Variants in PDE1C observed in about 807,000 individuals in gnomAD.
PDE1C encodes phosphodiesterase 1C, also known as dual specificity calcium/calmodulin-dependent 3',5'-cyclic nucleotide phosphodiesterase 1C.
PDE1C carries 62 observed loss-of-function variants against 93.1 expected under a neutral mutation model. The observed-to-expected ratio is 0.67, with a 90% confidence interval of 0.54 to 0.82. The LOEUF (loss-of-function observed/expected upper bound fraction) is 0.82, where lower values mean the gene tolerates loss of function less well. PDE1C is among the 40% of genes least tolerant of loss of function. PDE1C has a pLI of 0.00. For missense variants in PDE1C, 742 were observed against 884.6 expected, an observed-to-expected ratio of 0.84 and a Z score of 2.04; for synonymous variants, 325 against 310.1, an observed-to-expected ratio of 1.05 and a Z score of -0.50.
chr7:31,617,113 G>A, the PDE1C span, among the ~76,000 whole-genome samples: 46 of 152,148 alleles, frequency 3.0e-4, no homozygotes, highest in African/African-American at 8.7e-4. Context: ...GGGTGAGCTC[G>A]TCCCGGTATA....
At chr7:31,952,721 TG>T (rs1807561784) in intron 2 of PDE1C, among the ~76,000 whole-genome samples, 2 of 152,272 alleles carry the variant, frequency 1.3e-5, no homozygotes, top group African/African-American at 4.8e-5. Context: ...CTTGTCACAT[TG>T]CAAGGGCCAC....
At chr7:31,912,735 G>A (rs890005114) in intron 2 of PDE1C, among the ~76,000 whole-genome samples, 2 of 151,894 alleles carry the variant, frequency 1.3e-5, no homozygotes, top group African/African-American at 4.8e-5. Flanking sequence ...TTGTGGCATG[G>A]GGAATTAGTT....
chr7:31,714,788 T>C, the PDE1C span, among the ~76,000 whole-genome samples: 2 of 152,140 alleles, frequency 1.3e-5, no homozygotes, highest in Non-Finnish European at 2.9e-5. Flanking sequence ...AAGAACAGCA[T>C]GGGAAAGACC....
intron 2 of PDE1C, among the ~76,000 whole-genome samples, chr7:32,049,398 TG>T (rs918333379): frequency 1.2e-4 from 18 of 152,300 alleles, no homozygotes; most frequent in African/African-American, 4.3e-4. Flanking sequence ...TTGTTGTTGT[TG>T]TTGTTTTGTT....
At chr7:31,630,743 G>T in the PDE1C span, among the ~76,000 whole-genome samples, 427 of 151,954 alleles carry the variant, frequency 2.8e-3, 1 homozygote, top group African/African-American at 1.0e-2. Flanking sequence ...GACTCAAAAG[G>T]TCATTAAGAA....
At chr7:31,954,876 G>C (rs530189196) in intron 2 of PDE1C, among the ~76,000 whole-genome samples, 3 of 152,312 alleles carry the variant, frequency 2.0e-5, no homozygotes, top group South Asian at 4.1e-4. Flanking sequence ...TTGTAGTGTA[G>C]TACACAGATG....
At chr7:32,219,471 A>C (rs1806676835) in intron 1 of PDE1C, among the ~76,000 whole-genome samples, 1 of 152,214 alleles carries the variant, frequency 6.6e-6, no homozygotes, top group Admixed American at 6.5e-5. Context: ...AATATGTTGC[A>C]TCTGCAGATA....
At chr7:31,968,565 C>T (rs1584251832) in intron 2 of PDE1C, among the ~76,000 whole-genome samples, 1 of 152,098 alleles carries the variant, frequency 6.6e-6, no homozygotes, top group East Asian at 1.9e-4. Flanking sequence ...ATGCCATCCC[C>T]ATCAAGCTAC....
the PDE1C span, among the ~76,000 whole-genome samples, chr7:31,662,639 G>A: frequency 6.6e-6 from 1 of 152,216 alleles, no homozygotes; most frequent in Non-Finnish European, 1.5e-5. Context: ...GTGCATGTAT[G>A]TGTGCTGGAT....
At chr7:31,843,248 C>G (rs1792144285) in intron 9 of PDE1C, among the ~76,000 whole-genome samples, 1 of 151,838 alleles carries the variant, frequency 6.6e-6, no homozygotes, top group African/African-American at 2.4e-5. Context: ...CTCTTAGGTC[C>G]TTAGTGATAT....
At chr7:31,899,158 A>ATGCTCT (rs1799669504) in intron 2 of PDE1C, among the ~76,000 whole-genome samples, 1 of 40,882 alleles carries the variant, frequency 2.4e-5, no homozygotes, top group Non-Finnish European at 4.5e-5. Flanking sequence ...TTTTTTTTTG[A>ATGCTCT]GACGGAGTCT....
chr7:32,346,529 T>C (rs1783855759), intron 1 of PDE1C, among the ~76,000 whole-genome samples: 1 of 152,212 alleles, frequency 6.6e-6, no homozygotes, highest in Admixed American at 6.5e-5. Flanking sequence ...TACACTCACC[T>C]TGAGACTATC....
At chr7:31,629,849 A>G in the PDE1C span, among the ~76,000 whole-genome samples, 1 of 152,232 alleles carries the variant, frequency 6.6e-6, no homozygotes, top group Non-Finnish European at 1.5e-5. Context: ...CCTGAAAAAG[A>G]AATGTCAAAG....
At chr7:32,011,808 C>T (rs1787158315) in intron 2 of PDE1C, among the ~76,000 whole-genome samples, 1 of 152,132 alleles carries the variant, frequency 6.6e-6, no homozygotes, top group Non-Finnish European at 1.5e-5. Context: ...TATGATGTAG[C>T]CATTCCACTT....
At chr7:31,855,818 GA>G (rs1371737306) in intron 7 of PDE1C, among the ~76,000 whole-genome samples, 1 of 145,652 alleles carries the variant, frequency 6.9e-6, no homozygotes, top group Non-Finnish European at 1.5e-5. Context: ...AAGACAAAGG[GA>G]AAATTACTGG....
At chr7:32,259,798 C>A (rs1364695975) in intron 1 of PDE1C, among the ~76,000 whole-genome samples, 2 of 152,138 alleles carry the variant, frequency 1.3e-5, no homozygotes, top group African/African-American at 2.4e-5. Context: ...CCCACAGAGG[C>A]CACCTGTCAC....
Position 32,377,849 on chromosome 7 carries a change from C to G in PDE1C, c.310+49973G>C, listed in dbSNP as rs548093278. On this transcript the variant is annotated intron_variant, in intron 1 of 1. Coordinates refer to the PDE1C transcript ENST00000672256. ...CCTCGCACCAAGCAAACCAAGCGGC[C>G]CCAGAGGAAAAACCACTGGAGACAG... Among the ~76,000 whole-genome samples the G allele has an allele frequency of 5.9e-5, 9 of 152,172 alleles. No individual in the cohort carries two copies. In the South Asian group the frequency reaches 1.9e-3, roughly 32 times the overall value.
At chr7:32,225,723 T>C (rs187457745) in intron 1 of PDE1C, among the ~76,000 whole-genome samples, 1 of 152,350 alleles carries the variant, frequency 6.6e-6, no homozygotes, top group Non-Finnish European at 1.5e-5. Flanking sequence ...GTGATTTTTC[T>C]ATTCACTGTG....
At chr7:32,071,018 A>G (rs1411737853), upstream of PDE1C, 2 of 985,214 alleles carry the variant, frequency 2.0e-6, no homozygotes, top group Non-Finnish European at 2.4e-6. Flanking sequence ...GACAAGTGAG[A>G]AAAGTCGTCT....
Sources: gnomAD v4.1 joint callset for allele counts (sites outside exome capture counted in the v4.1 genomes callset) on GRCh38, gnomAD v4.1.1 for gene constraint, MANE v1.5 for transcripts, NCBI Gene and HGNC (gene_info 2026-07-23, HGNC 2026-07-21) for gene names.